The following GRM5 variants were observed in gnomAD, a reference collection of about 807,000 sequenced individuals.
GRM5 encodes metabotropic glutamate receptor 5.
Under a neutral mutation model 83.1 loss-of-function variants are expected in GRM5, and 19 were observed. The observed-to-expected ratio is 0.23, with a 90% CI of 0.16 to 0.34. GRM5 has a LOEUF of 0.34. Among genes scored for constraint, GRM5 ranks in the 10% least tolerant of loss-of-function variants. The pLI, the probability that GRM5 is intolerant of heterozygous loss-of-function variation, is 1.00. For synonymous variants in GRM5, 675 were observed against 633.6 expected (o/e 1.07, Z -0.98); for missense variants, 1,160 against 1,588.3 (o/e 0.73, Z 4.58).
intron 4 of GRM5, among the ~76,000 whole-genome samples, chr11:88,631,925 T>C (rs1481989396): frequency 6.6e-6 from 1 of 152,212 alleles, no homozygotes; most frequent in Non-Finnish European, 1.5e-5. Context: ...TTATGTTTTA[T>C]AGATATATAT....
At chr11:88,603,027 C>G (rs1175479068) in intron 5 of GRM5, among the ~76,000 whole-genome samples, 1 of 152,112 alleles carries the variant, frequency 6.6e-6, no homozygotes, top group Non-Finnish European at 1.5e-5. Context: ...CCTAGTAGTG[C>G]AAGGATAGAC....
chr11:88,747,704 G>GAA (rs1255193976), intron 3 of GRM5, among the ~76,000 whole-genome samples: 1 of 98,742 alleles, frequency 1.0e-5, no homozygotes. Context: ...CGGCTATCCA[G>GAA]GAAAAAAAAA....
At chr11:88,615,295 C>A (rs1039959692) in intron 4 of GRM5, among the ~76,000 whole-genome samples, 2 of 152,000 alleles carry the variant, frequency 1.3e-5, no homozygotes, top group African/African-American at 4.8e-5. Context: ...AATTGGAAAA[C>A]CAACAAAATA....
intron 3 of GRM5, among the ~76,000 whole-genome samples, chr11:88,774,708 C>A (rs184298915): frequency 6.6e-6 from 1 of 152,282 alleles, no homozygotes; most frequent in East Asian, 1.9e-4. Context: ...TTGAGATAAT[C>A]ATGTGGTTTT....
At chr11:88,702,921 C>T (rs1261891806) in intron 3 of GRM5, among the ~76,000 whole-genome samples, 7 of 152,096 alleles carry the variant, frequency 4.6e-5, no homozygotes, top group Admixed American at 4.6e-4. Flanking sequence ...TGATCATAGA[C>T]TTCTAGCCTT....
intron 7 of GRM5, among the ~76,000 whole-genome samples, chr11:88,571,332 G>A (rs1284485995): frequency 6.6e-6 from 1 of 152,104 alleles, no homozygotes; most frequent in Admixed American, 6.6e-5. Flanking sequence ...AATCTTTCAG[G>A]ATTTATATAT....
At chr11:88,590,848 T>G (rs540756959) in intron 6 of GRM5, 121 bp from the exon 7 acceptor site, 2 of 595,360 alleles carry the variant, frequency 3.4e-6, no homozygotes, top group South Asian at 5.6e-5. Flanking sequence ...TTTAAATGTT[T>G]TCAGATAAGC....
chr11:88,867,212 A>G (rs1277744175), intron 2 of GRM5, among the ~76,000 whole-genome samples: 3 of 151,762 alleles, frequency 2.0e-5, no homozygotes, highest in African/African-American at 7.3e-5. Flanking sequence ...TCCATATGAA[A>G]TTTAAAGTAG....
At chr11:88,793,223 C>A (rs1024653356) in intron 3 of GRM5, among the ~76,000 whole-genome samples, 2 of 152,058 alleles carry the variant, frequency 1.3e-5, no homozygotes, top group Non-Finnish European at 2.9e-5. Flanking sequence ...AAACTTAAAC[C>A]TAAGGTAGGG....
At chr11:88,786,834 G>A (rs1289901649) in intron 3 of GRM5, among the ~76,000 whole-genome samples, 2 of 151,936 alleles carry the variant, frequency 1.3e-5, no homozygotes, top group Non-Finnish European at 2.9e-5. Context: ...ATGAAGACAG[G>A]GGCTTCTGTT....
chr11:89,049,719 C>T (rs1307540110), intron 1 of GRM5, among the ~76,000 whole-genome samples: 3 of 152,092 alleles, frequency 2.0e-5, no homozygotes, highest in Non-Finnish European at 2.9e-5. Flanking sequence ...ATCAAATAAC[C>T]AGATGTTCCA....
chr11:88,643,253 G>C (rs1030801984), intron 4 of GRM5, among the ~76,000 whole-genome samples: 1 of 107,214 alleles, frequency 9.3e-6, no homozygotes, highest in Non-Finnish European at 2.1e-5. Flanking sequence ...ACAGAGTAGG[G>C]TAGAGGTATG....
intron 2 of GRM5, among the ~76,000 whole-genome samples, chr11:89,017,382 A>G (rs1008039367): frequency 1.6e-4 from 24 of 152,216 alleles, no homozygotes; most frequent in African/African-American, 5.1e-4. Context: ...TAAAAAACAA[A>G]CAAGGCATAG....
chr11:89,016,282 T>A (rs1940853494), intron 2 of GRM5, among the ~76,000 whole-genome samples: 2 of 149,946 alleles, frequency 1.3e-5, no homozygotes, highest in African/African-American at 4.9e-5. Context: ...TAATATATAT[T>A]CATCTTTCAT....
At chr11:88,711,337 G>T (rs1439222833) in intron 3 of GRM5, among the ~76,000 whole-genome samples, 1 of 152,084 alleles carries the variant, frequency 6.6e-6, no homozygotes, top group African/African-American at 2.4e-5. Context: ...AAAGGCAAAA[G>T]AGCCTACTGA....
At chr11:89,061,793 C>G (rs1385321039) in intron 1 of GRM5, among the ~76,000 whole-genome samples, 2 of 152,214 alleles carry the variant, frequency 1.3e-5, no homozygotes, top group East Asian at 3.8e-4. Flanking sequence ...TCGACACATC[C>G]TTTCATAAGT....
chr11:88,973,060 G>C (rs1267695274), intron 2 of GRM5, among the ~76,000 whole-genome samples: 1 of 152,142 alleles, frequency 6.6e-6, no homozygotes, highest in African/African-American at 2.4e-5. Context: ...AGGTATTAAA[G>C]AGATATGACA....
intron 3 of GRM5, among the ~76,000 whole-genome samples, chr11:88,714,468 T>G (rs1468648604): frequency 6.6e-6 from 1 of 151,984 alleles, no homozygotes; most frequent in Admixed American, 6.6e-5. Context: ...ATTATTGTGG[T>G]AGAGACATTG....
chr11:88,598,527 G>A (rs887608960), intron 5 of GRM5, among the ~76,000 whole-genome samples: 1 of 151,694 alleles, frequency 6.6e-6, no homozygotes, highest in Non-Finnish European at 1.5e-5. Flanking sequence ...TAACAATTTG[G>A]TGTAACTGTC....
Sources: allele counts gnomAD v4.1 joint callset (sites outside exome capture counted in the v4.1 genomes callset), GRCh38; gene constraint gnomAD v4.1.1; transcripts MANE v1.5; gene names NCBI Gene and HGNC (gene_info 2026-07-23, HGNC 2026-07-21).